Variants in TAS2R1 observed in about 807,000 individuals in gnomAD.
TAS2R1 encodes taste receptor type 2 member 1.
For missense variants in TAS2R1, 370 were observed against 353.4 expected, an observed-to-expected ratio of 1.05 and a Z score of -0.38; for synonymous variants, 141 against 134.2, an observed-to-expected ratio of 1.05 and a Z score of -0.35.
At chr5:9,886,344 T>TC in the TAS2R1 span, among the ~76,000 whole-genome samples, 1 of 147,002 alleles carries the variant, frequency 6.8e-6, no homozygotes, top group Non-Finnish European at 1.5e-5. Flanking sequence ...TTTTTTTTTT[T>TC]TTTTTTTTTG....
chr5:9,661,090 T>G (rs141632173), intron 1 of TAS2R1, among the ~76,000 whole-genome samples: 7 of 152,344 alleles, frequency 4.6e-5, no homozygotes, highest in Non-Finnish European at 1.0e-4. Context: ...TAGAAAATAA[T>G]AATTTTTTGT....
At chr5:9,829,181 T>C in the TAS2R1 span, among the ~76,000 whole-genome samples, 1 of 152,240 alleles carries the variant, frequency 6.6e-6, no homozygotes, top group African/African-American at 2.4e-5. Context: ...GGCAAAGTAA[T>C]CATTGTTTAG....
chr5:9,831,122 T>C, the TAS2R1 span, among the ~76,000 whole-genome samples: 19 of 152,140 alleles, frequency 1.2e-4, no homozygotes, highest in Non-Finnish European at 2.4e-4. Context: ...AAGCATAATA[T>C]AATTATAACT....
At chr5:9,692,398 A>T (rs1256743535) in intron 1 of TAS2R1, among the ~76,000 whole-genome samples, 1 of 152,134 alleles carries the variant, frequency 6.6e-6, no homozygotes, top group Non-Finnish European at 1.5e-5. Context: ...GTTCAATTTT[A>T]TGGAGGTACA....
chr5:9,717,744 T>C, the TAS2R1 span, among the ~76,000 whole-genome samples: 1 of 152,054 alleles, frequency 6.6e-6, no homozygotes. Context: ...CGTCAAACCC[T>C]ACATAAGAAT....
intron 1 of TAS2R1, among the ~76,000 whole-genome samples, chr5:9,679,118 T>A (rs112621556): frequency 6.6e-6 from 1 of 152,190 alleles, no homozygotes; most frequent in African/African-American, 2.4e-5. Flanking sequence ...AAATGCTACA[T>A]CGTGTATGAT....
upstream of TAS2R1, chr5:9,712,949 T>A (rs1401203242): frequency 6.6e-6 from 1 of 152,066 alleles, no homozygotes; most frequent in Non-Finnish European, 1.5e-5. Context: ...CCACCTTCTA[T>A]CCTCCATGTC....
At chr5:9,818,853 C>T in the TAS2R1 span, among the ~76,000 whole-genome samples, 2 of 152,162 alleles carry the variant, frequency 1.3e-5, no homozygotes, top group Non-Finnish European at 2.9e-5. Flanking sequence ...AAGCAACCTA[C>T]CGCCACACAG....
the TAS2R1 span, among the ~76,000 whole-genome samples, chr5:9,827,595 CAT>C: frequency 1.2e-5 from 1 of 82,518 alleles, no homozygotes; most frequent in Non-Finnish European, 2.4e-5. Flanking sequence ...GGTGTGGTGG[CAT>C]GCACACACAC....
the TAS2R1 span, among the ~76,000 whole-genome samples, chr5:9,747,282 T>G: frequency 6.6e-6 from 1 of 151,818 alleles, no homozygotes; most frequent in Non-Finnish European, 1.5e-5. Context: ...TAAAGAGGGG[T>G]GAATGTAAGA....
rs532896601 is a variant in TAS2R1, at chr5:9,643,276, A to AT, written c.-80-13285dup. Among the ~76,000 whole-genome samples, 5 of 152,338 alleles carry AT rather than the reference A, an allele frequency of 3.3e-5. No individual in the cohort carries two copies. The South Asian group carries it at 8.3e-4, about 25-fold the overall frequency. The stretch of plus-strand genomic sequence containing the variant: ...CTACTACACACTTAGGCTGTATGGT[A>AT]TAGTCCATTATTTTGCTCCTAGGCT... On this transcript the variant is annotated intron_variant, in intron 2 of 2. Transcript: ENST00000506620.
intron 2 of TAS2R1, among the ~76,000 whole-genome samples, chr5:9,637,755 G>A (rs1471459860): frequency 6.6e-6 from 1 of 151,852 alleles, no homozygotes; most frequent in East Asian, 1.9e-4. Context: ...ATTTCTCTAA[G>A]TGTATCTTTT....
the TAS2R1 span, among the ~76,000 whole-genome samples, chr5:9,881,663 T>C: frequency 1.3e-5 from 2 of 152,140 alleles, no homozygotes; most frequent in African/African-American, 2.4e-5. Flanking sequence ...AATAGACACA[T>C]AGACCAATGG....
chr5:9,667,618 A>G (rs763403416), intron 1 of TAS2R1, among the ~76,000 whole-genome samples: 2 of 152,234 alleles, frequency 1.3e-5, no homozygotes, highest in African/African-American at 2.4e-5. Flanking sequence ...ATGGAGCAGA[A>G]CACCCAACAA....
chr5:9,633,543 G>T (rs566871641), upstream of TAS2R1, among the ~76,000 whole-genome samples: 1 of 151,788 alleles, frequency 6.6e-6, no homozygotes, highest in African/African-American at 2.4e-5. Flanking sequence ...CACAGTGGTT[G>T]TACTAGTTTA....
At chr5:9,810,439 T>C in the TAS2R1 span, among the ~76,000 whole-genome samples, 3 of 152,178 alleles carry the variant, frequency 2.0e-5, no homozygotes, top group African/African-American at 7.2e-5. Flanking sequence ...TAAAGATAAA[T>C]TCTTCTCCTC....
chr5:9,836,451 G>A, the TAS2R1 span, among the ~76,000 whole-genome samples: 2 of 152,008 alleles, frequency 1.3e-5, no homozygotes, highest in East Asian at 1.9e-4. Flanking sequence ...TAGCAGTATC[G>A]CTGGCCTCTA....
At chr5:9,879,268 C>G in the TAS2R1 span, among the ~76,000 whole-genome samples, 3 of 152,238 alleles carry the variant, frequency 2.0e-5, no homozygotes, top group African/African-American at 7.2e-5. Context: ...CATATTGGAG[C>G]TAGAAGCAAG....
At chr5:9,768,098 C>A in the TAS2R1 span, among the ~76,000 whole-genome samples, 1 of 152,104 alleles carries the variant, frequency 6.6e-6, no homozygotes, top group Non-Finnish European at 1.5e-5. Flanking sequence ...TTGTCCATTA[C>A]CCATCCAGCA....
Sources: gnomAD v4.1 joint callset for allele counts (sites outside exome capture counted in the v4.1 genomes callset) on GRCh38, gnomAD v4.1.1 for gene constraint, MANE v1.5 for transcripts, NCBI Gene and HGNC (gene_info 2026-07-23, HGNC 2026-07-21) for gene names.